VPS13B: variants seen among roughly 807,000 people sequenced by gnomAD.
The protein encoded by VPS13B is intermembrane lipid transfer protein VPS13B.
A neutral mutation model predicts 426.4 loss-of-function variants in VPS13B; 285 were observed. That is an observed-to-expected ratio of 0.67 (90% CI 0.61 to 0.74). VPS13B has a LOEUF of 0.74. VPS13B is among the 30% of genes least tolerant of loss of function. The pLI is 0.00. For synonymous variants in VPS13B, 1,676 were observed against 1,676.4 expected, an observed-to-expected ratio of 1.00 and a Z score of 0.01; for missense variants, 4,537 against 4,782.6, an observed-to-expected ratio of 0.95 and a Z score of 1.51.
At chr8:99,255,174 G>T (rs1214033552) in intron 17 of VPS13B, among the ~76,000 whole-genome samples, 2 of 151,328 alleles carry the variant, frequency 1.3e-5, no homozygotes, top group South Asian at 2.1e-4. Context: ...TCTTGGTTTG[G>T]TCATTACATT....
intron 30 of VPS13B, 145 bp from the exon 31 acceptor site, chr8:99,556,305 T>A: frequency 7.1e-6 from 6 of 843,932 alleles, no homozygotes; most frequent in Non-Finnish European, 1.1e-5. Flanking sequence ...CTGAAACCTT[T>A]TTCATAGATG....
At chr8:99,666,344 A>G (rs1320028818) in intron 35 of VPS13B, among the ~76,000 whole-genome samples, 1 of 152,220 alleles carries the variant, frequency 6.6e-6, no homozygotes, top group African/African-American at 2.4e-5. Flanking sequence ...AGCCTGGCAG[A>G]GACACAACCA....
chr8:99,497,238 C>A (rs1422130976), intron 25 of VPS13B, among the ~76,000 whole-genome samples: 1 of 135,366 alleles, frequency 7.4e-6, no homozygotes, highest in African/African-American at 2.8e-5. Context: ...TTTATATATA[C>A]ATATATGTAT....
intron 61 of VPS13B, among the ~76,000 whole-genome samples, chr8:99,873,622 G>C (rs908532795): frequency 6.6e-6 from 1 of 152,142 alleles, no homozygotes; most frequent in Admixed American, 6.5e-5. Context: ...TCTCTCTCCT[G>C]AAGTCATTAA....
chr8:99,284,617 C>T (rs1819337153), intron 19 of VPS13B, among the ~76,000 whole-genome samples: 1 of 151,816 alleles, frequency 6.6e-6, no homozygotes, highest in East Asian at 1.9e-4. Context: ...GGAAGGAGTG[C>T]AGTGGTGCTT....
chr8:99,552,352 G>T (rs1175825973), intron 30 of VPS13B, among the ~76,000 whole-genome samples: 1 of 151,988 alleles, frequency 6.6e-6, no homozygotes, highest in South Asian at 2.1e-4. Flanking sequence ...CCTGATCTGT[G>T]GAAGTTCTTT....
chr8:99,874,846 C>T (rs1370141611), intron 61 of VPS13B: 4 of 153,990 alleles, frequency 2.6e-5, no homozygotes, highest in Admixed American at 6.4e-5. Flanking sequence ...TTCCGCTGCC[C>T]AGCTTCTCTA....
At chr8:99,781,048 T>G (rs1304102771) in intron 42 of VPS13B, among the ~76,000 whole-genome samples, 1 of 152,186 alleles carries the variant, frequency 6.6e-6, no homozygotes, top group Non-Finnish European at 1.5e-5. Context: ...TTTATCGGAT[T>G]CATATTGGAG....
intron 35 of VPS13B, 105 bp from the exon 36 acceptor site, chr8:99,699,420 A>C: frequency 1.6e-6 from 2 of 1,250,972 alleles, no homozygotes; most frequent in Non-Finnish European, 2.3e-6. Context: ...ATGAGTCCAT[A>C]ATATGGATCT....
At chr8:99,079,117 TTGG>T (rs1168436143) in intron 3 of VPS13B, among the ~76,000 whole-genome samples, 1 of 152,074 alleles carries the variant, frequency 6.6e-6, no homozygotes, top group African/African-American at 2.4e-5. Flanking sequence ...GTAGGCAATG[TTGG>T]TGGGCACGGC....
At chr8:99,034,273 G>A (rs1044664268) in intron 2 of VPS13B, among the ~76,000 whole-genome samples, 3 of 152,144 alleles carry the variant, frequency 2.0e-5, no homozygotes, top group Non-Finnish European at 4.4e-5. Flanking sequence ...TAGGAATTTC[G>A]CTGGGTTACT....
At chr8:99,783,803 G>A (rs1443768755) in intron 42 of VPS13B, among the ~76,000 whole-genome samples, 4 of 152,140 alleles carry the variant, frequency 2.6e-5, no homozygotes, top group Non-Finnish European at 5.9e-5. Context: ...TCACTGAGCA[G>A]ATTTACACAC....
chr8:99,727,374 A>G (rs1833393856), intron 39 of VPS13B, among the ~76,000 whole-genome samples: 1 of 152,234 alleles, frequency 6.6e-6, no homozygotes, highest in African/African-American at 2.4e-5. Flanking sequence ...CCAAACACAC[A>G]AGATGGATTG....
intron 5 of VPS13B, 152 bp from the exon 6 acceptor site, chr8:99,110,946 T>C (rs1435272482): frequency 4.1e-6 from 2 of 483,456 alleles, no homozygotes; most frequent in South Asian, 9.6e-5. Flanking sequence ...AATGAAAAGT[T>C]CATTGCATAT....
chr8:99,625,198 T>A (rs887159876), intron 33 of VPS13B, among the ~76,000 whole-genome samples: 2 of 152,258 alleles, frequency 1.3e-5, no homozygotes, highest in Middle Eastern at 3.4e-3. Flanking sequence ...AGGGTAACTA[T>A]GTATATTATC....
At chr8:99,800,382 A>G (rs1813061456) in intron 43 of VPS13B, among the ~76,000 whole-genome samples, 1 of 152,190 alleles carries the variant, frequency 6.6e-6, no homozygotes. Flanking sequence ...TAGAAGAATG[A>G]AAACAATAGA....
intron 13 of VPS13B, among the ~76,000 whole-genome samples, chr8:99,147,601 T>C (rs1226939297): frequency 1.3e-5 from 2 of 152,172 alleles, no homozygotes; most frequent in African/African-American, 4.8e-5. Flanking sequence ...AAATTGGGGA[T>C]TTCTTAAAGA....
chr8:99,186,549 A>G (rs1813230806), intron 16 of VPS13B, among the ~76,000 whole-genome samples: 1 of 152,142 alleles, frequency 6.6e-6, no homozygotes, highest in African/African-American at 2.4e-5. Context: ...CAAAAGAGAA[A>G]AACCCCTCTT....
intron 17 of VPS13B, among the ~76,000 whole-genome samples, chr8:99,212,291 A>G (rs568835764): frequency 1.7e-4 from 26 of 152,310 alleles, no homozygotes; most frequent in Non-Finnish European, 3.2e-4. Context: ...CTCTCCTTCT[A>G]TACTGATTGG....
Sources: gnomAD v4.1 joint callset for allele counts (sites outside exome capture counted in the v4.1 genomes callset) on GRCh38, gnomAD v4.1.1 for gene constraint, MANE v1.5 for transcripts, NCBI Gene and HGNC (gene_info 2026-07-23, HGNC 2026-07-21) for gene names.